The following EML4 variants were observed in gnomAD, a reference collection of about 807,000 sequenced individuals.
The protein encoded by EML4 is echinoderm microtubule-associated protein-like 4.
Under a neutral mutation model 129.0 loss-of-function variants are expected in EML4, and 72 were observed. The ratio of observed to expected loss-of-function variants is 0.56; its 90% CI spans 0.46 to 0.68. The LOEUF is 0.68. EML4 is among the 30% of genes least tolerant of loss of function. EML4 has a pLI of 0.00. For synonymous variants in EML4, 532 were observed against 405.0 expected (o/e 1.31, Z -3.77); for missense variants, 1,363 against 1,190.6 (o/e 1.14, Z -2.13).
In EML4 at chr2:42,215,047, A is replaced by G. The variant is rs76143250; in HGVS notation, c.26-30458A>G. Among the ~76,000 whole-genome samples, 534 of 152,084 alleles carry G rather than the reference A, an allele frequency of 3.5e-3. 6 individuals carry two copies. Among genetic ancestry groups the G allele is most frequent in the African/African-American group, 0.012 (495 of 41,492 alleles). On this transcript the variant is annotated intron_variant, in intron 1 of 22. Transcript: ENST00000318522. ...GGCTAGCTATACTACAAGATCTATA[A>G]CTCTGCATGGTAGATGTAAAACTTT...
intron 16 of EML4, 101 bp downstream of exon 16, chr2:42,303,547 A>G: frequency 7.9e-7 from 1 of 1,273,308 alleles, no homozygotes; most frequent in East Asian, 2.3e-5. Context: ...GATTCAAACC[A>G]AATGTAAACA....
At chr2:42,226,141 T>A (rs1335346049) in intron 1 of EML4, among the ~76,000 whole-genome samples, 1 of 152,096 alleles carries the variant, frequency 6.6e-6, no homozygotes, top group African/African-American at 2.4e-5. Context: ...TAGTTACCAG[T>A]CTTTTCTTGG....
rs1351026472 is a variant in EML4, at chr2:42,218,626, G to A, written c.26-26879G>A. On this transcript the variant is annotated intron_variant, in intron 1 of 22. Coordinates refer to ENST00000318522, the MANE Select transcript of EML4 (RefSeq NM_019063.5). Reference sequence around the variant, plus strand: ...GAGAATACAGTAGTGGAGGAAAGGAGAATTAAATTTGCCCTATCATAGTTA... The same window carrying A: ...GAGAATACAGTAGTGGAGGAAAGGAAAATTAAATTTGCCCTATCATAGTTA... Among the ~76,000 whole-genome samples the A allele has an allele frequency of 3.9e-5, 6 of 152,206 alleles. No individual in the cohort carries two copies. The East Asian group carries it at 1.2e-3, about 29-fold the overall frequency.
chr2:42,203,563 A>G (rs543109392), intron 1 of EML4, among the ~76,000 whole-genome samples: 12 of 152,224 alleles, frequency 7.9e-5, no homozygotes, highest in African/African-American at 2.6e-4. Flanking sequence ...GCAGTTATAC[A>G]AGATGGCTAG....
At chr2:42,316,720 G>A (rs920852358) in intron 18 of EML4, among the ~76,000 whole-genome samples, 3 of 152,180 alleles carry the variant, frequency 2.0e-5, no homozygotes, top group African/African-American at 7.2e-5. Context: ...TATGCCAATA[G>A]TTGTTGCATT....
intron 21 of EML4, among the ~76,000 whole-genome samples, chr2:42,328,033 A>G (rs149979106): frequency 6.6e-6 from 1 of 152,324 alleles, no homozygotes; most frequent in East Asian, 1.9e-4. Flanking sequence ...TCCATAAACA[A>G]TTTCATTATT....
chr2:42,229,087 G>T (rs1182877083), intron 1 of EML4, among the ~76,000 whole-genome samples: 2 of 152,112 alleles, frequency 1.3e-5, no homozygotes, highest in Non-Finnish European at 2.9e-5. Context: ...CTAGGTACCT[G>T]ACTGCAAATG....
chr2:42,304,852 C>T (rs1006295869), intron 17 of EML4, among the ~76,000 whole-genome samples: 8 of 152,174 alleles, frequency 5.3e-5, no homozygotes, highest in African/African-American at 1.9e-4. Context: ...CCTGACGCAG[C>T]CAGGCACAGT....
chr2:42,295,022 C>T, intron 11 of EML4, 103 bp from the exon 12 acceptor site: 1 of 1,074,382 alleles, frequency 9.3e-7, no homozygotes, highest in African/African-American at 1.6e-5. Flanking sequence ...GGCATTTTCT[C>T]AAAATCTTGC....
At chr2:42,189,503 C>G (rs1671458689) in intron 1 of EML4, among the ~76,000 whole-genome samples, 1 of 152,170 alleles carries the variant, frequency 6.6e-6, no homozygotes, top group South Asian at 2.1e-4. Flanking sequence ...TTGCATGAGA[C>G]CAGGAGTTCA....
At chr2:42,245,836 C>G (rs1255806825) in intron 2 of EML4, 149 bp downstream of exon 2, 1 of 702,242 alleles carries the variant, frequency 1.4e-6, no homozygotes, top group African/African-American at 1.9e-5. Flanking sequence ...CCAAAAAGTT[C>G]TGAAAGTTTA....
chr2:42,179,764 G>A (rs756977575), intron 1 of EML4, among the ~76,000 whole-genome samples: 11 of 152,030 alleles, frequency 7.2e-5, no homozygotes, highest in Non-Finnish European at 1.0e-4. Flanking sequence ...CACCATGCCC[G>A]GCTAGTTTTG....
rs1666971502 is a variant in EML4, at chr2:42,280,941, A to G, written c.759A>G (p.Glu253=). Residue 253 remains glutamate, a synonymous_variant, in exon 7 of 23, where the codon GAA becomes GAG. Transcript: ENST00000318522. ...ACAACTATGATGACATCAGAACGGA[A>G]CTGCCTCCTGAGAAGCTCAAACTGG... The part of the protein sequence containing the change: ...DVDNYDDIRT[E]LPPEKLKLEW... 1 of 1,610,606 alleles carries G rather than the reference A, an allele frequency of 6.2e-7. No homozygotes were observed. Among genetic ancestry groups the G allele is most frequent in the Non-Finnish European group, 8.5e-7 (1 of 1,178,714 alleles).
chr2:42,217,409 T>C (rs554826275), intron 1 of EML4, among the ~76,000 whole-genome samples: 6 of 152,326 alleles, frequency 3.9e-5, no homozygotes, highest in East Asian at 1.9e-4. Flanking sequence ...AAAATTCTTA[T>C]ATAACCCACA....
chr2:42,228,339 G>A (rs1674110064), intron 1 of EML4, among the ~76,000 whole-genome samples: 1 of 152,092 alleles, frequency 6.6e-6, no homozygotes, highest in Non-Finnish European at 1.5e-5. Flanking sequence ...CATTGCTCAA[G>A]GATCGACATA....
At chr2:42,231,818 G>A (rs987095263) in intron 1 of EML4, among the ~76,000 whole-genome samples, 7 of 152,022 alleles carry the variant, frequency 4.6e-5, no homozygotes, top group Non-Finnish European at 1.0e-4. Flanking sequence ...GCGTCATGGC[G>A]GGCACCTTTA....
chr2:42,262,487 C>G (rs866315069), intron 4 of EML4, among the ~76,000 whole-genome samples: 1 of 151,992 alleles, frequency 6.6e-6, no homozygotes, highest in South Asian at 2.1e-4. Context: ...TTTTCAGCTT[C>G]TTGAGGTCTC....
At chr2:42,267,384 C>T (rs1487381212) in intron 6 of EML4, among the ~76,000 whole-genome samples, 1 of 152,166 alleles carries the variant, frequency 6.6e-6, no homozygotes, top group African/African-American at 2.4e-5. Flanking sequence ...AACACATTTT[C>T]TAGTATTTCA....
At chr2:42,277,650 C>G (rs1666731909) in intron 6 of EML4, among the ~76,000 whole-genome samples, 1 of 149,860 alleles carries the variant, frequency 6.7e-6, no homozygotes, top group African/African-American at 2.5e-5. Context: ...CTCACTGCAA[C>G]CCCCGCCTCC....
Sources: gnomAD v4.1 joint callset for allele counts (sites outside exome capture counted in the v4.1 genomes callset) on GRCh38, gnomAD v4.1.1 for gene constraint, MANE v1.5 for transcripts, NCBI Gene and HGNC (gene_info 2026-07-23, HGNC 2026-07-21) for gene names.